Variants in SH3TC1 observed in about 807,000 individuals in gnomAD.
SH3TC1 encodes SH3 domain and tetratricopeptide repeat-containing protein 1.
Under a neutral mutation model 117.3 loss-of-function variants are expected in SH3TC1, and 135 were observed. The ratio of observed to expected loss-of-function variants is 1.15; its 90% CI spans 1.00 to 1.33. SH3TC1 has a LOEUF of 1.33. Ranked by LOEUF, SH3TC1 falls within the 40% of genes most tolerant of loss-of-function variation. SH3TC1 has a pLI of 0.00. For synonymous variants in SH3TC1, 898 were observed against 816.9 expected, an observed-to-expected ratio of 1.10 and a Z score of -1.69; for missense variants, 2,092 against 1,794.3, an observed-to-expected ratio of 1.17 and a Z score of -3.00.
At position 8,192,424 on chromosome 4, in the gene SH3TC1, A is replaced by C. The variant is rs1717444963; in HGVS notation, c.-57+10214A>C. Among the ~76,000 whole-genome samples, 1 of 150,660 alleles carries C rather than the reference A, an allele frequency of 6.6e-6. No homozygotes were observed. The highest frequency in any genetic ancestry group is 2.1e-4 in the South Asian group (1 of 4,738). On this transcript the variant is annotated intron_variant, in intron 1 of 16. Coordinates refer to the SH3TC1 transcript ENST00000508641. The surrounding 1 kb of genome is among the most constrained non-coding windows in gnomAD (Gnocchi z 4.1). Reference sequence around the variant, plus strand: ...TGTAAGCCTGAAGGTTGTAAATTACAATCTTCTTATCCAACCACTTGTCTT... The same window carrying C: ...TGTAAGCCTGAAGGTTGTAAATTACCATCTTCTTATCCAACCACTTGTCTT...
At chr4:8,223,007 C>A in intron 10 of SH3TC1, 37 bp downstream of exon 10, 1 of 1,589,646 alleles carries the variant, frequency 6.3e-7, no homozygotes, top group Non-Finnish European at 8.6e-7. Flanking sequence ...GGCCACTGCC[C>A]TCCCCTTTCC....
chr4:8,236,361 C>CA lies in SH3TC1; in HGVS notation c.3490dup (p.Thr1164AsnfsTer66), dbSNP rs1414673459. The CA allele has an allele frequency of 6.5e-7, 1 of 1,548,012 alleles. No homozygotes were observed. The highest frequency in any genetic ancestry group is 2.4e-5 in the East Asian group (1 of 40,830). On this transcript the variant is annotated frameshift_variant, in exon 16 of 18. Coordinates refer to ENST00000245105, the MANE Select transcript of SH3TC1 (RefSeq NM_018986.5). LOFTEE classifies it high-confidence loss of function. The stretch of plus-strand genomic sequence containing the variant: ...GCAACAAGCTGGTGGCACTGCTGGC[C>CA]ACGCTGGAGGAGCCCCAGGAGGGCT...
At chr4:8,200,543 G>A (rs79734456) in intron 1 of SH3TC1, among the ~76,000 whole-genome samples, 4 of 152,212 alleles carry the variant, frequency 2.6e-5, no homozygotes, top group East Asian at 1.9e-4. Context: ...CGTGTGGGGC[G>A]CTGGGCCAGC....
At position 8,227,478 on chromosome 4, in the gene SH3TC1, G is replaced by T; in HGVS notation, c.1784G>T (p.Gly595Val). ...CTGGGGGCCCTGGAGGGCAGCTTCGGGGACCTGTTCCTAGTGGTGGCTGTG... is the reference window on the plus strand; with the variant it reads ...CTGGGGGCCCTGGAGGGCAGCTTCGTGGACCTGTTCCTAGTGGTGGCTGTG... The part of the protein sequence containing the change: ...EALGALEGSF[G>V]DLFLVVAVYA... Residue 595 changes from glycine (G) to valine (V), a missense_variant, in exon 12 of 18, where the codon GGG (glycine) becomes GTG (valine). Transcript: ENST00000245105. The T allele has an allele frequency of 6.4e-7, 1 of 1,566,064 alleles. No homozygotes were observed. The highest frequency in any genetic ancestry group is 8.6e-7 in the Non-Finnish European group (1 of 1,161,498).
chr4:8,226,582 G>A (rs1291749644), intron 11 of SH3TC1, among the ~76,000 whole-genome samples: 3 of 152,214 alleles, frequency 2.0e-5, no homozygotes, highest in South Asian at 2.1e-4. Context: ...AATTACATTT[G>A]TAGTCGTAGT....
intron 12 of SH3TC1, among the ~76,000 whole-genome samples, chr4:8,229,693 C>G (rs181695746): frequency 1.7e-3 from 253 of 151,926 alleles, no homozygotes; most frequent in South Asian, 5.4e-3. Flanking sequence ...GGGGAGCCAT[C>G]TGCCCAAGGA....
Position 8,190,070 on chromosome 4 carries a change from A to G in SH3TC1, c.-57+7860A>G. Reference sequence around the variant, plus strand: ...TGCGAGGCCAGGAAGTAGGGCCTGGAAAGTAGCACTTGAGGTTTTGCTGGG... The same window carrying G: ...TGCGAGGCCAGGAAGTAGGGCCTGGGAAGTAGCACTTGAGGTTTTGCTGGG... On this transcript the variant is annotated intron_variant, in intron 1 of 16. Coordinates refer to the SH3TC1 transcript ENST00000508641. The surrounding 1 kb of genome is among the most constrained non-coding windows in gnomAD (Gnocchi z 4.7). Among the ~76,000 whole-genome samples, 1 of 152,316 alleles carries G rather than the reference A, an allele frequency of 6.6e-6. No homozygotes were observed. Among genetic ancestry groups the G allele is most frequent in the East Asian group, 1.9e-4 (1 of 5,186 alleles).
At position 8,205,539 on chromosome 4, in the gene SH3TC1, G is replaced by A. The variant is rs546597391; in HGVS notation, c.172+173G>A. ...CTTCCCCCGCGTGTGTTTAACAGGA[G>A]CCACTGTGCCCGCTGAGTCACTTGA... On this transcript the variant is annotated intron_variant, in intron 2 of 17. Coordinates refer to ENST00000245105, the MANE Select transcript of SH3TC1 (RefSeq NM_018986.5). The surrounding 1 kb of genome is among the most constrained non-coding windows in gnomAD (Gnocchi z 5.4). 3.2e-6 allele frequency: 3 copies of A among 941,684 alleles called. No individual in the cohort carries two copies. Among genetic ancestry groups the A allele is most frequent in the African/African-American group, 3.2e-5 (2 of 62,266 alleles). The allele number at this position is 941,684 out of a possible 1,614,324, so 58.3% of individuals were successfully genotyped here.
chr4:8,235,265 T>C (rs1219714577), intron 14 of SH3TC1, among the ~76,000 whole-genome samples, 168 bp from the exon 15 acceptor site: 1 of 152,210 alleles, frequency 6.6e-6, no homozygotes, highest in African/African-American at 2.4e-5. Flanking sequence ...CATGAGATCA[T>C]TGTCCCCATG....
At chr4:8,187,554 C>CT (rs764585932) in intron 1 of SH3TC1, among the ~76,000 whole-genome samples, 2,048 of 139,906 alleles carry the variant, frequency 0.015, 16 homozygotes, top group African/African-American at 0.03. Flanking sequence ...CTTTTCTTTT[C>CT]TTTTTTTTTT....
At chr4:8,233,240 G>A in intron 13 of SH3TC1, 123 bp from the exon 14 acceptor site, 1 of 1,455,752 alleles carries the variant, frequency 6.9e-7, no homozygotes, top group Non-Finnish European at 9.0e-7. Flanking sequence ...GCAGGACACT[G>A]CACACACAAG....
chr4:8,227,452 G>C lies in SH3TC1; in HGVS notation c.1758G>C (p.Ala586=). Residue 586 remains alanine (A), a synonymous_variant, in exon 12 of 18, where the codon GCG becomes GCC. Transcript: ENST00000245105. ...AGGCCCGGGTGTACTTTGAGGAAGCGCTGGGGGCCCTGGAGGGCAGCTTCG... is the reference window on the plus strand; with the variant it reads ...AGGCCCGGGTGTACTTTGAGGAAGCCCTGGGGGCCCTGGAGGGCAGCTTCG... ...LSQARVYFEE[A]LGALEGSFGD... 1 of 1,563,298 alleles carries C rather than the reference G, an allele frequency of 6.4e-7. No homozygotes were observed. The highest frequency in any genetic ancestry group is 8.6e-7 in the Non-Finnish European group (1 of 1,158,930).
At chr4:8,224,051 A>ACG (rs58846366) in intron 10 of SH3TC1, among the ~76,000 whole-genome samples, 43,827 of 151,990 alleles carry the variant, frequency 0.29, 7,328 homozygotes, top group Middle Eastern at 0.38. Flanking sequence ...GTATACACAC[A>ACG]CACACACCCA....
chr4:8,217,272 C>G, intron 7 of SH3TC1, 105 bp downstream of exon 7: 1 of 1,367,800 alleles, frequency 7.3e-7, no homozygotes, highest in Non-Finnish European at 1.0e-6. Flanking sequence ...GTGGGGGCCC[C>G]GGACAGACCT....
At position 8,237,603 on chromosome 4, in the gene SH3TC1, A is replaced by T. The variant is rs1397232569; in HGVS notation, c.3686A>T (p.Asp1229Val). ...LSLCNSPLEF[D>V]EETLYYVKVY... Reference sequence around the variant, plus strand: ...CTCTGCAACTCGCCGCTGGAGTTTGACGAGGAGACCCTCTACTACGTGAAG... The same window carrying T: ...CTCTGCAACTCGCCGCTGGAGTTTGTCGAGGAGACCCTCTACTACGTGAAG... Residue 1229 changes from aspartate to valine, a missense_variant, in exon 17 of 18, where the codon GAC becomes GTC. Transcript: ENST00000245105. The T allele has an allele frequency of 6.2e-7, 1 of 1,612,440 alleles. No homozygotes were observed. The highest frequency in any genetic ancestry group is 8.5e-7 in the Non-Finnish European group (1 of 1,179,606).
At position 8,209,555 on chromosome 4, in the gene SH3TC1, G is replaced by A; in HGVS notation, c.173-193G>A. Reference sequence around the variant, plus strand: ...AGTGTGGGGCAGCTTGTCACAGCATGCTGGGAAGTGCAGGCAGCTTCCCTC... The same window carrying A: ...AGTGTGGGGCAGCTTGTCACAGCATACTGGGAAGTGCAGGCAGCTTCCCTC... On this transcript the variant is annotated intron_variant, in intron 2 of 17. Transcript: ENST00000245105. The surrounding 1 kb of genome is among the most constrained non-coding windows in gnomAD (Gnocchi z 5.9). 7.7e-7 allele frequency: 1 copy of A among 1,306,474 alleles called. No homozygotes were observed. The highest frequency in any genetic ancestry group is 1.1e-6 in the Non-Finnish European group (1 of 944,726). The allele number at this position is 1,306,474 out of a possible 1,614,324, so 80.9% of individuals were successfully genotyped here.
chr4:8,224,277 C>T (rs1042235862), intron 10 of SH3TC1, among the ~76,000 whole-genome samples: 1 of 152,232 alleles, frequency 6.6e-6, no homozygotes, highest in Non-Finnish European at 1.5e-5. Flanking sequence ...TTTTCTCCCA[C>T]CAGTATTAGA....
At chr4:8,229,766 C>A (rs891216809) in intron 12 of SH3TC1, among the ~76,000 whole-genome samples, 1 of 152,054 alleles carries the variant, frequency 6.6e-6, no homozygotes. Context: ...CAAGGAGACC[C>A]TCCAGAAACC....
chr4:8,231,987 G>A lies in SH3TC1; in HGVS notation c.2962G>A (p.Ala988Thr). The A allele has an allele frequency of 6.2e-7, 1 of 1,611,678 alleles. No individual in the cohort carries two copies. ...EMGHVESQLR[A>T]VQRLCHFYSA... ...TGTCTTCTGCCCAGGCCAGCTGCGG[G>A]CCGTCCAGCGGCTGTGCCACTTCTA... The change falls in exon 13 of 18, where the codon GCC (alanine) becomes ACC (threonine). Residue 988 changes from alanine (A) to threonine (T), a missense_variant. Ala to Thr is a moderately conservative substitution (Grantham distance 58). Transcript: ENST00000245105.
Sources: allele counts gnomAD v4.1 joint callset (sites outside exome capture counted in the v4.1 genomes callset), GRCh38; gene constraint gnomAD v4.1.1; non-coding constraint Gnocchi (gnomAD v3.1); transcripts MANE v1.5; gene names NCBI Gene and HGNC (gene_info 2026-07-23, HGNC 2026-07-21).